FAM180A: variants seen among roughly 807,000 people sequenced by gnomAD.
FAM180A encodes the protein family with sequence similarity 180 member A.
In FAM180A, 14 loss-of-function variants were observed where a neutral mutation model predicts 15.3. That is an observed-to-expected ratio of 0.92 (90% CI 0.61 to 1.43). The LOEUF is 1.43. Among genes scored for constraint, FAM180A ranks in the 40% most tolerant of loss-of-function variants. The pLI is 0.00. For synonymous variants in FAM180A, 90 were observed against 96.8 expected, an observed-to-expected ratio of 0.93 and a Z score of 0.41; for missense variants, 200 against 220.8, an observed-to-expected ratio of 0.91 and a Z score of 0.60.
Position 135,734,247 on chromosome 7 carries a change from G to T in FAM180A, c.250C>A (p.Arg84=), listed in dbSNP as rs371261217. The T allele has an allele frequency of 1.2e-6, 2 of 1,613,988 alleles. No homozygotes were observed. The highest frequency in any genetic ancestry group is 1.3e-5 in the African/African-American group (1 of 74,934). ...SIKDEELASL[R]KASDFRTVCN... is the part of the protein sequence containing the mutation. ...ACGGTGCGGAAGTCTGAGGCCTTCC[G>T]CAAGGAGGCCAGCTCCTCGTCCTTG... The change falls in exon 3 of 4, where the codon CGG becomes AGG. Residue 84 remains arginine, a synonymous_variant. Coordinates refer to ENST00000338588, the MANE Select transcript of FAM180A (RefSeq NM_205855.4).
rs1483266220 is a variant in FAM180A at position 135,737,267 on chromosome 7, T to A, written c.77-68A>T. ...CCAGACCTTCTCCCTCTGATCCACC[T>A]TGAAGGTAGTCAAGGAGTCTTAAAA... On this transcript the variant is annotated intron_variant, in intron 1 of 3. Coordinates refer to ENST00000338588, the MANE Select transcript of FAM180A (RefSeq NM_205855.4). The A allele has an allele frequency of 7.2e-6, 9 of 1,246,350 alleles. No individual in the cohort carries two copies. In the East Asian group the frequency reaches 2.2e-4, roughly 30 times the overall value. The allele number at this position is 1,246,350 out of a possible 1,614,324, so 77.2% of individuals were successfully genotyped here.
rs180995017 is a variant in FAM180A at position 135,741,263 on chromosome 7, C to T, written c.77-4064G>A. ...GTCATTTCCAATAGCTCTTGGTCTCCTACTGAATAGTAATATAGTTTGATG... is the reference window on the plus strand; with the variant it reads ...GTCATTTCCAATAGCTCTTGGTCTCTTACTGAATAGTAATATAGTTTGATG... On this transcript the variant is annotated intron_variant, in intron 1 of 3. Coordinates refer to ENST00000338588, the MANE Select transcript of FAM180A (RefSeq NM_205855.4). Among the ~76,000 whole-genome samples, 95 of 152,334 alleles carry T rather than the reference C, an allele frequency of 6.2e-4. 1 individual carries two copies. Among genetic ancestry groups the T allele is most frequent in the African/African-American group, 2.1e-3 (88 of 41,566 alleles).
At chr7:135,739,310 C>CA (rs11383815) in intron 1 of FAM180A, among the ~76,000 whole-genome samples, 8,456 of 76,484 alleles carry the variant, frequency 0.11, 789 homozygotes, top group South Asian at 0.14. Flanking sequence ...GACTGCATCT[C>CA]AAAAAAAAAA....
At position 135,729,930 on chromosome 7, in the gene FAM180A, T is replaced by C. The variant is rs144039251; in HGVS notation, c.*681A>G. 1.4e-4 allele frequency: 113 copies of C among 788,368 alleles called. 1 individual carries two copies. In the African/African-American group the frequency reaches 1.9e-3, roughly 13 times the overall value. The allele number at this position is 788,368 out of a possible 1,614,324, so 48.8% of individuals were successfully genotyped here. A position where few individuals can be genotyped will look rare whatever the true frequency, so the allele number is the denominator to read the frequency against. On this transcript the variant is annotated 3_prime_UTR_variant, in exon 4 of 4. Transcript: ENST00000338588. ...GATGAGAAAGTTCCGGGGGTCTGTT[T>C]CACAACATGCATGGAGTTAACACTG... is the stretch of plus-strand genomic sequence containing the variant.
At position 135,733,985 on chromosome 7, in the gene FAM180A, A is replaced by T; in HGVS notation, c.512T>A (p.Val171Glu). The T allele has an allele frequency of 6.2e-7, 1 of 1,601,148 alleles. No individual in the cohort carries two copies. Among genetic ancestry groups the T allele is most frequent in the Non-Finnish European group, 8.5e-7 (1 of 1,173,054 alleles). Residue 171 changes from valine (V) to glutamate (E), a missense_variant, in exon 3 of 4, where the codon GTA (valine) becomes GAA (glutamate). Transcript: ENST00000338588. ...HDLMRSSQPG[V>E]PP ...GTGTGGGCCAGTCTCTCAGGGAGGT[A>T]CTCCCGGCTGTGAGGAGCGCATCAA...
intron 3 of FAM180A, among the ~76,000 whole-genome samples, chr7:135,732,821 ATATC>A (rs1241280215): frequency 1.3e-5 from 2 of 152,234 alleles, no homozygotes; most frequent in African/African-American, 2.4e-5. Context: ...TATCGAGTCA[ATATC>A]TATAAAAGGA....
chr7:135,744,947 T>A (rs1797009233), intron 1 of FAM180A, among the ~76,000 whole-genome samples: 1 of 151,996 alleles, frequency 6.6e-6, no homozygotes. Context: ...CAGGCTGGAG[T>A]GAAGTGGCGC....
intron 3 of FAM180A, among the ~76,000 whole-genome samples, chr7:135,731,658 G>C (rs969176736): frequency 1.3e-5 from 2 of 152,208 alleles, no homozygotes; most frequent in Admixed American, 1.3e-4. Context: ...GGAGGTAAAA[G>C]AGCAGAATGG....
intron 3 of FAM180A, among the ~76,000 whole-genome samples, chr7:135,732,727 ACACACACACACAC>A (rs1290649162): frequency 8.5e-6 from 1 of 117,184 alleles, no homozygotes; most frequent in Non-Finnish European, 1.9e-5. Context: ...ACACACACAC[ACACACACACACAC>A]AAGAATGTTT....
In FAM180A at chr7:135,730,230, G is replaced by T; in HGVS notation, c.*381C>A. ...AGATAGCTGTGAGGATGCCAACGAT[G>T]GAGGAAACTTAGAAAGTTTTTAGAT... On this transcript the variant is annotated 3_prime_UTR_variant, in exon 4 of 4. Transcript: ENST00000338588. 1.0e-6 allele frequency: 1 copy of T among 985,366 alleles called. No individual in the cohort carries two copies. Among genetic ancestry groups the T allele is most frequent in the Non-Finnish European group, 1.2e-6 (1 of 829,922 alleles). The allele number at this position is 985,366 out of a possible 1,614,324, so 61.0% of individuals were successfully genotyped here. A position where few individuals can be genotyped will look rare whatever the true frequency, so the allele number is the denominator to read the frequency against.
chr7:135,748,180 C>T (rs141102007), intron 1 of FAM180A, among the ~76,000 whole-genome samples: 8 of 152,268 alleles, frequency 5.3e-5, no homozygotes, highest in Admixed American at 1.3e-4. Context: ...ACGGTCTGGC[C>T]CAACTGCTGC....
At chr7:135,737,586 C>CAAAAAAAAAAAAAAAAAAA (rs35378393) in intron 1 of FAM180A, among the ~76,000 whole-genome samples, 2 of 82,384 alleles carry the variant, frequency 2.4e-5, no homozygotes, top group African/African-American at 8.8e-5. Context: ...GACTCCATGT[C>CAAAAAAAAAAAAAAAAAAA]AAAAAAAAAA....
chr7:135,739,776 C>T (rs1405658614), intron 1 of FAM180A, among the ~76,000 whole-genome samples: 2 of 151,706 alleles, frequency 1.3e-5, no homozygotes, highest in Non-Finnish European at 2.9e-5. Context: ...TCCTGATGGG[C>T]TTATTATAGT....
intron 1 of FAM180A, among the ~76,000 whole-genome samples, chr7:135,744,062 G>T (rs546317558): frequency 6.6e-6 from 1 of 152,114 alleles, no homozygotes; most frequent in Non-Finnish European, 1.5e-5. Context: ...ATTGATCTCA[G>T]CGAGTGCTGT....
At chr7:135,732,835 A>AC (rs1796807164) in intron 3 of FAM180A, among the ~76,000 whole-genome samples, 1 of 152,226 alleles carries the variant, frequency 6.6e-6, no homozygotes, top group African/African-American at 2.4e-5. Flanking sequence ...CTATAAAAGG[A>AC]AAGTTTTGGC....
At chr7:135,745,693 A>G (rs898020417) in intron 1 of FAM180A, among the ~76,000 whole-genome samples, 3 of 152,042 alleles carry the variant, frequency 2.0e-5, no homozygotes, top group African/African-American at 7.3e-5. Flanking sequence ...TGCTAACAAC[A>G]AGGCGCATAT....
intron 3 of FAM180A, among the ~76,000 whole-genome samples, chr7:135,731,790 A>G (rs1449106217): frequency 6.6e-6 from 1 of 152,192 alleles, no homozygotes; most frequent in African/African-American, 2.4e-5. Flanking sequence ...TATTTCTCCA[A>G]AAAGATCATG....
At chr7:135,743,346 A>G (rs555631609) in intron 1 of FAM180A, among the ~76,000 whole-genome samples, 52 of 151,870 alleles carry the variant, frequency 3.4e-4, no homozygotes, top group African/African-American at 1.2e-3. Context: ...TTGAAACTAC[A>G]GGCGCCACCA....
chr7:135,739,820 A>G (rs766499005), intron 1 of FAM180A, among the ~76,000 whole-genome samples: 1 of 152,120 alleles, frequency 6.6e-6, no homozygotes, highest in Non-Finnish European at 1.5e-5. Context: ...TAACTTATTT[A>G]TGATCGATAC....
Sources: gnomAD v4.1 joint callset for allele counts (sites outside exome capture counted in the v4.1 genomes callset) on GRCh38, gnomAD v4.1.1 for gene constraint, MANE v1.5 for transcripts, NCBI Gene and HGNC (gene_info 2026-07-23, HGNC 2026-07-21) for gene names.